The following DPH6 variants were observed in gnomAD, a reference collection of about 807,000 sequenced individuals.
The protein encoded by DPH6 is diphthamine biosynthesis 6, also known as diphthine--ammonia ligase.
Under a neutral mutation model 38.2 loss-of-function variants are expected in DPH6, and 33 were observed. That is an observed-to-expected ratio of 0.86 (90% CI 0.65 to 1.15). DPH6 has a LOEUF of 1.15. Ranked by LOEUF, DPH6 falls within the 50% of genes most tolerant of loss-of-function variation. The pLI, the probability that DPH6 is intolerant of heterozygous loss-of-function variation, is 0.00. For missense variants in DPH6, 325 were observed against 320.0 expected (o/e 1.02, Z -0.12); for synonymous variants, 108 against 103.0 (o/e 1.05, Z -0.30).
intron 3 of DPH6, among the ~76,000 whole-genome samples, chr15:35,314,472 A>T (rs1233379765): frequency 6.6e-6 from 1 of 152,232 alleles, no homozygotes; most frequent in African/African-American, 2.4e-5. Context: ...CAGCGGAGAC[A>T]ACTTGCAACA....
intron 3 of DPH6, among the ~76,000 whole-genome samples, chr15:35,227,035 T>C (rs2051486465): frequency 6.6e-6 from 1 of 152,190 alleles, no homozygotes. Flanking sequence ...TTTGGATTTC[T>C]TCCTGTTTCA....
At chr15:35,462,413 GC>G (rs77213492) in intron 3 of DPH6, among the ~76,000 whole-genome samples, 8,091 of 152,190 alleles carry the variant, frequency 0.053, 321 homozygotes, top group East Asian at 0.11. Flanking sequence ...CCTGGACTCT[GC>G]CAACCTCTCT....
chr15:35,159,817 G>A, the DPH6 span, among the ~76,000 whole-genome samples: 1 of 152,042 alleles, frequency 6.6e-6, no homozygotes, highest in Non-Finnish European at 1.5e-5. Flanking sequence ...GCCCATCAAT[G>A]GTGGACTGGA....
In DPH6 at chr15:35,450,753, T is replaced by C. The variant is rs2053922242; in HGVS notation, c.437A>G (p.Gln146Arg). Residue 146 changes from glutamine to arginine, a missense_variant, in exon 5 of 9, where the codon CAG becomes CGG. Gln to Arg is a conservative substitution (Grantham distance 43). Coordinates refer to ENST00000256538, the MANE Select transcript of DPH6 (RefSeq NM_080650.4). ...QPLAYLWQRNQEDLLREMISS... is the reference protein window; with the variant it reads ...QPLAYLWQRNREDLLREMISS... ...TATCATCTCTCTGAGCAAATCTTCC[T>C]GGTTTCTCTGCCAAAGATAAGCTAA... 6.2e-7 allele frequency: 1 copy of C among 1,613,192 alleles called. No individual in the cohort carries two copies.
chr15:35,453,093 G>T (rs979060301), intron 4 of DPH6, among the ~76,000 whole-genome samples: 1 of 152,148 alleles, frequency 6.6e-6, no homozygotes, highest in Admixed American at 6.5e-5. Flanking sequence ...TTGGGCATAG[G>T]CTAATTCAAA....
intron 3 of DPH6, among the ~76,000 whole-genome samples, chr15:35,275,959 T>TCC (rs2051856144): frequency 6.6e-6 from 1 of 152,206 alleles, no homozygotes; most frequent in Non-Finnish European, 1.5e-5. Context: ...TCTGGGTAGA[T>TCC]ACACAGTAGT....
intron 3 of DPH6, among the ~76,000 whole-genome samples, chr15:35,457,033 T>C (rs1595381382): frequency 6.6e-6 from 1 of 151,502 alleles, no homozygotes; most frequent in African/African-American, 2.4e-5. Flanking sequence ...TGCAGTGGGG[T>C]GATCTCAGCT....
At chr15:35,353,046 T>C (rs2052529173) in intron 3 of DPH6, among the ~76,000 whole-genome samples, 1 of 152,194 alleles carries the variant, frequency 6.6e-6, no homozygotes, top group African/African-American at 2.4e-5. Flanking sequence ...GATGAGAAAT[T>C]TCTCATGTCT....
rs2054546011 is a variant in DPH6, at chr15:35,496,162, T to C, written c.313-41342A>G. On this transcript the variant is annotated intron_variant, in intron 3 of 8. Coordinates refer to ENST00000256538, the MANE Select transcript of DPH6 (RefSeq NM_080650.4). ...CTTAAACACAGTATAAAATGCCTTA[T>C]CTAATTACTTAGAAAAAATTGATAA... Among the ~76,000 whole-genome samples the C allele has an allele frequency of 7.2e-5, 11 of 152,318 alleles. No homozygotes were observed. In the South Asian group the frequency reaches 2.3e-3, roughly 32 times the overall value.
At chr15:35,510,961 T>C (rs2054761147) in intron 3 of DPH6, among the ~76,000 whole-genome samples, 1 of 152,190 alleles carries the variant, frequency 6.6e-6, no homozygotes, top group South Asian at 2.1e-4. Flanking sequence ...AAACTGACTT[T>C]GAATCCCAAA....
At chr15:35,237,814 C>G (rs1469967965) in intron 3 of DPH6, 9 of 1,575,686 alleles carry the variant, frequency 5.7e-6, no homozygotes, top group Non-Finnish European at 7.0e-6. Context: ...CTGAGGGCTA[C>G]GTGGAGGGCC....
At chr15:35,400,278 T>C (rs529487165) in intron 6 of DPH6, among the ~76,000 whole-genome samples, 1 of 152,334 alleles carries the variant, frequency 6.6e-6, no homozygotes, top group South Asian at 2.1e-4. Flanking sequence ...TTACCTGACT[T>C]AGCTGTGTAT....
chr15:35,398,988 T>C (rs767019901), intron 6 of DPH6, among the ~76,000 whole-genome samples: 2 of 152,146 alleles, frequency 1.3e-5, no homozygotes, highest in South Asian at 2.1e-4. Flanking sequence ...GATTCCCCTA[T>C]AGTAAAACTC....
chr15:35,254,098 T>A (rs1441331324), intron 3 of DPH6, among the ~76,000 whole-genome samples: 1 of 152,230 alleles, frequency 6.6e-6, no homozygotes, highest in African/African-American at 2.4e-5. Context: ...TAATCTATTA[T>A]TAAGGCACTA....
intron 3 of DPH6, among the ~76,000 whole-genome samples, chr15:35,332,781 A>G (rs2140863813): frequency 6.6e-6 from 1 of 152,284 alleles, no homozygotes; most frequent in South Asian, 2.1e-4. Flanking sequence ...TGTTATTGTT[A>G]AATTACGAAG....
At chr15:35,406,701 G>A (rs1201482644) in intron 6 of DPH6, among the ~76,000 whole-genome samples, 1 of 151,918 alleles carries the variant, frequency 6.6e-6, no homozygotes, top group Non-Finnish European at 1.5e-5. Flanking sequence ...CAGACAATGG[G>A]GCCAGCCCTT....
chr15:35,290,760 T>C (rs2051974858), intron 3 of DPH6, among the ~76,000 whole-genome samples: 1 of 152,128 alleles, frequency 6.6e-6, no homozygotes, highest in African/African-American at 2.4e-5. Context: ...GCCATAGTTG[T>C]TTGTTGCCAG....
At chr15:35,398,568 C>T (rs1199668928) in intron 6 of DPH6, among the ~76,000 whole-genome samples, 1 of 152,214 alleles carries the variant, frequency 6.6e-6, no homozygotes, top group Non-Finnish European at 1.5e-5. Flanking sequence ...TTCCTACATA[C>T]ATTGCCCTAT....
chr15:35,275,623 A>G (rs774062405), intron 3 of DPH6, among the ~76,000 whole-genome samples: 1 of 151,956 alleles, frequency 6.6e-6, no homozygotes, highest in Non-Finnish European at 1.5e-5. Context: ...AACCTAGATG[A>G]TGGGTTGATA....
Sources: gnomAD v4.1 joint callset for allele counts (sites outside exome capture counted in the v4.1 genomes callset) on GRCh38, gnomAD v4.1.1 for gene constraint, MANE v1.5 for transcripts, NCBI Gene and HGNC (gene_info 2026-07-23, HGNC 2026-07-21) for gene names.